The following PRKD1 variants were observed in gnomAD, a reference collection of about 807,000 sequenced individuals.
PRKD1 encodes the protein serine/threonine-protein kinase D1.
PRKD1 carries 63 observed loss-of-function variants against 95.9 expected under a neutral mutation model. The ratio of observed to expected loss-of-function variants is 0.66; its 90% CI spans 0.54 to 0.81. The LOEUF is 0.81. PRKD1 is among the 30% of genes least tolerant of loss of function. The pLI, the probability that PRKD1 is intolerant of heterozygous loss-of-function variation, is 0.00. For synonymous variants in PRKD1, 425 were observed against 423.1 expected (o/e 1.00, Z -0.05); for missense variants, 1,048 against 1,165.3 (o/e 0.90, Z 1.47).
At position 29,632,887 on chromosome 14, in the gene PRKD1, T is replaced by C. The variant is rs751083437; in HGVS notation, c.1374A>G (p.Thr458=). 5.6e-6 allele frequency: 9 copies of C among 1,613,214 alleles called. No individual in the cohort carries two copies. The South Asian group carries it at 8.8e-5, about 16-fold the overall frequency. ...SKCITLFQND[T]GSRYYKEIPL... is the part of the protein sequence containing the mutation. Reference sequence around the variant, plus strand: ...CTCTTACCTTGTAGTACCTGCTTCCTGTGTCATTCTGAAAGAGGGTAATAC... The same window carrying C: ...CTCTTACCTTGTAGTACCTGCTTCCCGTGTCATTCTGAAAGAGGGTAATAC... Residue 458 remains threonine, a synonymous_variant, in exon 9 of 18, where the codon ACA becomes ACG. Coordinates refer to ENST00000331968, the MANE Select transcript of PRKD1 (RefSeq NM_002742.3).
intron 13 of PRKD1, among the ~76,000 whole-genome samples, chr14:29,608,205 C>G (rs1011289702): frequency 6.6e-6 from 1 of 151,916 alleles, no homozygotes; most frequent in Non-Finnish European, 1.5e-5. Context: ...AAGACAGTAT[C>G]TTTATTTGTG....
intron 1 of PRKD1, among the ~76,000 whole-genome samples, chr14:29,745,221 T>C (rs954455): frequency 0.15 from 22,453 of 152,154 alleles, 1,993 homozygotes; most frequent in South Asian, 0.22. Context: ...TTTAATCAGA[T>C]AAGTCATCAC....
chr14:29,700,743 C>T (rs1884783881), intron 2 of PRKD1, among the ~76,000 whole-genome samples: 1 of 152,102 alleles, frequency 6.6e-6, no homozygotes, highest in Admixed American at 6.5e-5. Flanking sequence ...AGGACCTCGT[C>T]CAATCAGTTG....
chr14:29,732,018 C>T (rs895340865), intron 1 of PRKD1, among the ~76,000 whole-genome samples: 2 of 151,894 alleles, frequency 1.3e-5, no homozygotes, highest in East Asian at 1.9e-4. Flanking sequence ...GGATGGCAGA[C>T]GTACACAGTA....
chr14:29,863,216 T>C (rs959570450), intron 1 of PRKD1, among the ~76,000 whole-genome samples: 26 of 152,158 alleles, frequency 1.7e-4, no homozygotes, highest in Admixed American at 1.7e-3. Flanking sequence ...ATTACAGACA[T>C]TTAGGTAGGT....
At chr14:29,748,790 T>C (rs1273934612) in intron 1 of PRKD1, among the ~76,000 whole-genome samples, 2 of 152,248 alleles carry the variant, frequency 1.3e-5, no homozygotes, top group Non-Finnish European at 2.9e-5. Context: ...ATCATCTTAA[T>C]GTACCATGCC....
intron 1 of PRKD1, among the ~76,000 whole-genome samples, chr14:29,920,055 AGG>A (rs1333293477): frequency 1.9e-3 from 264 of 136,128 alleles, no homozygotes; most frequent in African/African-American, 8.0e-3. Context: ...GAAGGAAGGA[AGG>A]AAGGAAGGAA....
chr14:29,600,429 G>A (rs1008626551), intron 13 of PRKD1, among the ~76,000 whole-genome samples: 2 of 152,096 alleles, frequency 1.3e-5, no homozygotes, highest in African/African-American at 4.8e-5. Context: ...AATAAATATA[G>A]CTAATCCTTG....
intron 1 of PRKD1, among the ~76,000 whole-genome samples, chr14:29,737,184 C>T (rs951022552): frequency 6.7e-6 from 1 of 150,274 alleles, no homozygotes; most frequent in Non-Finnish European, 1.5e-5. Context: ...TAGCCGGGCG[C>T]GGTGGCGGGC....
intron 13 of PRKD1, among the ~76,000 whole-genome samples, chr14:29,612,345 A>G (rs775320953): frequency 2.4e-4 from 37 of 152,180 alleles, no homozygotes; most frequent in Non-Finnish European, 4.0e-4. Context: ...ACATTTTCCA[A>G]ATTTTCTTGA....
At chr14:29,709,230 A>G (rs1320548820) in intron 2 of PRKD1, among the ~76,000 whole-genome samples, 3 of 152,306 alleles carry the variant, frequency 2.0e-5, no homozygotes, top group Middle Eastern at 3.4e-3. Context: ...CATACAATTT[A>G]TTTCCTTAAG....
intron 1 of PRKD1, among the ~76,000 whole-genome samples, chr14:29,864,684 G>T (rs909069200): frequency 6.6e-6 from 1 of 152,048 alleles, no homozygotes; most frequent in Non-Finnish European, 1.5e-5. Context: ...GGGATAGTTT[G>T]CTATCCAAAA....
intron 1 of PRKD1, among the ~76,000 whole-genome samples, chr14:29,849,922 C>T (rs1484097754): frequency 6.6e-6 from 1 of 152,030 alleles, no homozygotes; most frequent in Admixed American, 6.6e-5. Flanking sequence ...AATGTGATTT[C>T]CCACGTAAAC....
At chr14:29,820,422 G>C (rs1890866812) in intron 1 of PRKD1, among the ~76,000 whole-genome samples, 1 of 152,216 alleles carries the variant, frequency 6.6e-6, no homozygotes. Flanking sequence ...AGGCTTCAGT[G>C]AATAGATGAG....
intron 1 of PRKD1, among the ~76,000 whole-genome samples, chr14:29,870,789 T>C (rs991292598): frequency 1.3e-5 from 2 of 152,200 alleles, no homozygotes; most frequent in Admixed American, 1.3e-4. Flanking sequence ...ATAATGACAT[T>C]TATGACTCAG....
At chr14:29,772,260 A>G (rs1888543431) in intron 1 of PRKD1, among the ~76,000 whole-genome samples, 3 of 152,198 alleles carry the variant, frequency 2.0e-5, no homozygotes, top group Admixed American at 6.5e-5. Flanking sequence ...CTAATCCCCA[A>G]TGCAACAGTA....
chr14:29,880,202 G>T (rs1243004377), intron 1 of PRKD1, among the ~76,000 whole-genome samples: 1 of 152,194 alleles, frequency 6.6e-6, no homozygotes, highest in Non-Finnish European at 1.5e-5. Context: ...GGCCCAGGAG[G>T]AAACAGTAGT....
intron 2 of PRKD1, among the ~76,000 whole-genome samples, chr14:29,705,471 T>C (rs1885037719): frequency 6.6e-6 from 1 of 151,978 alleles, no homozygotes; most frequent in African/African-American, 2.4e-5. Flanking sequence ...TTTTTTGTCT[T>C]TATTGAGATA....
At chr14:29,594,740 AC>A (rs1272655123) in intron 16 of PRKD1, among the ~76,000 whole-genome samples, 1 of 151,964 alleles carries the variant, frequency 6.6e-6, no homozygotes, top group Non-Finnish European at 1.5e-5. Flanking sequence ...AGCTGTGACC[AC>A]CCTGTGCCAG....
Sources: gnomAD v4.1 joint callset for allele counts (sites outside exome capture counted in the v4.1 genomes callset) on GRCh38, gnomAD v4.1.1 for gene constraint, MANE v1.5 for transcripts, NCBI Gene and HGNC (gene_info 2026-07-23, HGNC 2026-07-21) for gene names.